The following GPHN variants were observed in gnomAD, a reference collection of about 807,000 sequenced individuals.
The protein encoded by GPHN is gephyrin.
In GPHN, 17 loss-of-function variants were observed where a neutral mutation model predicts 95.5. That is an observed-to-expected ratio of 0.18 (90% CI 0.12 to 0.27). The LOEUF is 0.27. Ranked by LOEUF, GPHN falls within the 10% of genes least tolerant of loss-of-function variation. The pLI, the probability that GPHN is intolerant of heterozygous loss-of-function variation, is 1.00. For missense variants in GPHN, 660 were observed against 978.1 expected (o/e 0.67, Z 4.34); for synonymous variants, 320 against 322.5 (o/e 0.99, Z 0.08).
intron 10 of GPHN, among the ~76,000 whole-genome samples, chr14:67,049,498 TAAGAG>T (rs2075200527): frequency 1.3e-5 from 2 of 151,296 alleles, no homozygotes; most frequent in Non-Finnish European, 2.9e-5. Context: ...ATTTACAAAA[TAAGAG>T]AAGTCTGTGA....
chr14:67,274,734 T>C, the GPHN span, among the ~76,000 whole-genome samples: 11 of 152,214 alleles, frequency 7.2e-5, no homozygotes, highest in Non-Finnish European at 1.6e-4. Context: ...TTTCACGATA[T>C]TGATTCTTCC....
chr14:67,407,509 T>C, the GPHN span, among the ~76,000 whole-genome samples: 1 of 151,660 alleles, frequency 6.6e-6, no homozygotes, highest in Non-Finnish European at 1.5e-5. Context: ...GGCATGATCA[T>C]AGCTCACTGC....
At chr14:67,607,756 C>A in the GPHN span, among the ~76,000 whole-genome samples, 1 of 152,318 alleles carries the variant, frequency 6.6e-6, no homozygotes, top group South Asian at 2.1e-4. Context: ...CCTCTGCCAT[C>A]CCAGGCTCTA....
intron 2 of GPHN, among the ~76,000 whole-genome samples, chr14:66,753,385 C>T (rs2058442272): frequency 6.6e-6 from 1 of 151,974 alleles, no homozygotes; most frequent in African/African-American, 2.4e-5. Flanking sequence ...CAGCTGAGCC[C>T]AGCCTGGAGC....
intron 18 of GPHN, among the ~76,000 whole-genome samples, chr14:67,144,917 G>C (rs2080812350): frequency 6.6e-6 from 1 of 152,276 alleles, no homozygotes; most frequent in East Asian, 1.9e-4. Flanking sequence ...AGTGTGTGTA[G>C]GTGTTCTTAA....
intron 2 of GPHN, among the ~76,000 whole-genome samples, chr14:66,756,567 T>A (rs2058563505): frequency 6.6e-6 from 1 of 152,138 alleles, no homozygotes; most frequent in African/African-American, 2.4e-5. Context: ...AATATGGAGT[T>A]TAGATTAAAA....
At chr14:66,937,601 A>G (rs1193005045) in intron 8 of GPHN, among the ~76,000 whole-genome samples, 1 of 151,750 alleles carries the variant, frequency 6.6e-6, no homozygotes, top group East Asian at 2.0e-4. Flanking sequence ...GATGGTTTCC[A>G]TCTCTTGACC....
chr14:66,648,976 T>G (rs1343221906), intron 1 of GPHN, among the ~76,000 whole-genome samples: 1 of 151,886 alleles, frequency 6.6e-6, no homozygotes, highest in Admixed American at 6.6e-5. Context: ...ATTCAGAGGG[T>G]TTTGTTTGAT....
At chr14:66,812,684 G>A (rs2060810027) in intron 3 of GPHN, among the ~76,000 whole-genome samples, 1 of 152,152 alleles carries the variant, frequency 6.6e-6, no homozygotes, top group Non-Finnish European at 1.5e-5. Flanking sequence ...CCCCACCTGA[G>A]CCAGTGAAAT....
intron 11 of GPHN, among the ~76,000 whole-genome samples, chr14:67,081,128 T>C (rs1353002967): frequency 6.6e-6 from 1 of 152,198 alleles, no homozygotes; most frequent in Non-Finnish European, 1.5e-5. Flanking sequence ...AGATACCCAG[T>C]AGTGGGATTG....
chr14:66,711,781 CG>C (rs1712487870), intron 2 of GPHN, among the ~76,000 whole-genome samples: 1 of 151,688 alleles, frequency 6.6e-6, no homozygotes. Flanking sequence ...TGATGTTCCC[CG>C]CCCTGGGTCT....
chr14:67,106,800 A>G (rs1437101983), intron 13 of GPHN, among the ~76,000 whole-genome samples: 3 of 151,976 alleles, frequency 2.0e-5, no homozygotes, highest in South Asian at 2.1e-4. Flanking sequence ...TTATTTTGCA[A>G]TTTCTTTTCC....
the GPHN span, chr14:67,445,998 C>G: frequency 2.0e-6 from 1 of 507,876 alleles, no homozygotes; most frequent in African/African-American, 1.9e-5. Context: ...AAAAATAGGG[C>G]TTCCCAGGAA....
chr14:66,841,253 G>T (rs1360822229), intron 4 of GPHN, among the ~76,000 whole-genome samples: 2 of 152,116 alleles, frequency 1.3e-5, no homozygotes, highest in Admixed American at 6.6e-5. Context: ...AGGAAAGAGG[G>T]TTATAATTTT....
the GPHN span, chr14:67,388,399 CA>C: frequency 2.6e-6 from 2 of 762,618 alleles, no homozygotes; most frequent in Non-Finnish European, 4.7e-6. Flanking sequence ...GAAGTGAGTG[CA>C]AATCATTTGT....
intron 2 of GPHN, among the ~76,000 whole-genome samples, chr14:66,762,669 GCTGA>G (rs1014813368): frequency 7.9e-5 from 12 of 152,024 alleles, no homozygotes; most frequent in African/African-American, 2.9e-4. Flanking sequence ...CAGGTATAGT[GCTGA>G]AACAGTATAT....
intron 4 of GPHN, among the ~76,000 whole-genome samples, chr14:66,857,337 G>A (rs891711855): frequency 6.6e-6 from 1 of 152,112 alleles, no homozygotes; most frequent in Admixed American, 6.5e-5. Flanking sequence ...AATCCTAACG[G>A]TATAGTGTAT....
the GPHN span, among the ~76,000 whole-genome samples, chr14:67,657,598 G>GCACGCACA: frequency 8.0e-5 from 9 of 112,422 alleles, no homozygotes; most frequent in African/African-American, 2.8e-4. Flanking sequence ...GCGCGCGCGT[G>GCACGCACA]CACACACACA....
chr14:67,218,243 G>A, the GPHN span, among the ~76,000 whole-genome samples: 1 of 152,222 alleles, frequency 6.6e-6, no homozygotes, highest in South Asian at 2.1e-4. Context: ...TGATCACACA[G>A]TTGTTGTCTA....
Sources: allele counts gnomAD v4.1 joint callset (sites outside exome capture counted in the v4.1 genomes callset), GRCh38; gene constraint gnomAD v4.1.1; transcripts MANE v1.5; gene names NCBI Gene and HGNC (gene_info 2026-07-23, HGNC 2026-07-21).